Variants in PGM2 observed in about 807,000 individuals in gnomAD.
PGM2 encodes the protein phosphoglucomutase 2, also known as phosphopentomutase.
PGM2 carries 57 observed loss-of-function variants against 74.6 expected under a neutral mutation model. That is an observed-to-expected ratio of 0.76 (90% CI 0.62 to 0.95). PGM2 has a LOEUF of 0.95. Ranked by LOEUF, PGM2 falls within the 40% of genes least tolerant of loss-of-function variation. The probability of loss-of-function intolerance (pLI) is 0.00; values close to 1 mark genes in which losing one functional copy is unlikely to be tolerated. For missense variants in PGM2, 706 were observed against 741.9 expected (o/e 0.95, Z 0.56); for synonymous variants, 273 against 260.7 (o/e 1.05, Z -0.46).
At chr4:37,844,917 G>A (rs1725825318) in intron 7 of PGM2, among the ~76,000 whole-genome samples, 1 of 148,488 alleles carries the variant, frequency 6.7e-6, no homozygotes, top group African/African-American at 2.5e-5. Flanking sequence ...GCAGTGAGCT[G>A]AGATTGCACC....
intron 13 of PGM2, 37 bp from the exon 14 acceptor site, chr4:37,861,473 T>C (rs1477821919): frequency 2.2e-6 from 3 of 1,372,700 alleles, no homozygotes; most frequent in Non-Finnish European, 1.0e-6. Flanking sequence ...TTTGGAATAA[T>C]CCCTTGACCT....
chr4:37,837,974 G>A (rs190996951), intron 4 of PGM2, among the ~76,000 whole-genome samples: 2 of 151,884 alleles, frequency 1.3e-5, no homozygotes, highest in African/African-American at 2.4e-5. Flanking sequence ...TCCGTGTCCC[G>A]GGTTCAAGCA....
intron 4 of PGM2, chr4:37,839,457 AAGG>A (rs942367182): frequency 7.2e-6 from 3 of 418,854 alleles, no homozygotes; most frequent in East Asian, 7.0e-5. Flanking sequence ...GCAAATGAGA[AAGG>A]AGGAGAGGGA....
intron 1 of PGM2, among the ~76,000 whole-genome samples, chr4:37,827,313 G>A (rs1047953195): frequency 6.6e-6 from 1 of 152,194 alleles, no homozygotes; most frequent in African/African-American, 2.4e-5. Flanking sequence ...TTGTCCTCCC[G>A]GGTGGGCCCG....
At chr4:37,832,388 T>G (rs1365539317) in intron 2 of PGM2, among the ~76,000 whole-genome samples, 3 of 152,240 alleles carry the variant, frequency 2.0e-5, no homozygotes, top group Non-Finnish European at 4.4e-5. Flanking sequence ...AATATATTTG[T>G]CACTTTTCAC....
chr4:37,852,706 T>C (rs4832961), intron 12 of PGM2, among the ~76,000 whole-genome samples: 80,925 of 152,034 alleles, frequency 0.53, 22,198 homozygotes, highest in Non-Finnish European at 0.61. Context: ...CTGTATGCTG[T>C]ATGTAAGGTT....
At chr4:37,850,838 A>G (rs976321013) in intron 12 of PGM2, among the ~76,000 whole-genome samples, 3 of 151,738 alleles carry the variant, frequency 2.0e-5, no homozygotes, top group African/African-American at 7.3e-5. Flanking sequence ...TAAAAATACA[A>G]AAATTAGCCA....
chr4:37,839,498 C>T (rs1324847637), intron 4 of PGM2: 1 of 468,472 alleles, frequency 2.1e-6, no homozygotes, highest in African/African-American at 2.0e-5. Flanking sequence ...TAAACTGAAT[C>T]CACAAACTTC....
intron 6 of PGM2, among the ~76,000 whole-genome samples, chr4:37,841,327 A>G (rs1346814748): frequency 2.0e-5 from 3 of 151,928 alleles, no homozygotes; most frequent in African/African-American, 7.3e-5. Context: ...AGTCCTTACC[A>G]TCAGGTAGGA....
chr4:37,834,246 G>C (rs1725506126), intron 2 of PGM2, among the ~76,000 whole-genome samples: 1 of 151,834 alleles, frequency 6.6e-6, no homozygotes, highest in East Asian at 1.9e-4. Flanking sequence ...AGGTAGGGGG[G>C]GATTGCTTAA....
intron 10 of PGM2, among the ~76,000 whole-genome samples, chr4:37,847,761 C>A (rs1387129652): frequency 1.3e-5 from 2 of 152,242 alleles, no homozygotes; most frequent in East Asian, 3.9e-4. Context: ...CCAGGTCCAG[C>A]CAGAATGACA....
intron 12 of PGM2, among the ~76,000 whole-genome samples, chr4:37,853,994 A>G (rs1427922277): frequency 6.6e-6 from 1 of 152,168 alleles, no homozygotes; most frequent in Non-Finnish European, 1.5e-5. Context: ...TGCCTTTTGC[A>G]GTACCTGGTG....
intron 6 of PGM2, among the ~76,000 whole-genome samples, chr4:37,842,297 A>G (rs763632305): frequency 6.6e-6 from 1 of 151,286 alleles, no homozygotes; most frequent in Non-Finnish European, 1.5e-5. Flanking sequence ...TATAATATTT[A>G]TTAGTCTTAT....
intron 12 of PGM2, among the ~76,000 whole-genome samples, chr4:37,851,544 G>GTT (rs1726039866): frequency 6.6e-6 from 1 of 152,144 alleles, no homozygotes; most frequent in East Asian, 1.9e-4. Flanking sequence ...CACGTTCTTT[G>GTT]ATATTTTCTT....
At chr4:37,844,698 C>T (rs954514139) in intron 7 of PGM2, 145 bp downstream of exon 7, 4 of 602,896 alleles carry the variant, frequency 6.6e-6, no homozygotes, top group Non-Finnish European at 8.7e-6. Context: ...CTGGGTGCAG[C>T]GTCTCATGTC....
Position 37,829,962 on chromosome 4 carries a change from A to G in PGM2, c.82-2A>G, listed in dbSNP as rs1255334230. The G allele has an allele frequency of 1.9e-6, 3 of 1,575,926 alleles. No homozygotes were observed. Among genetic ancestry groups the G allele is most frequent in the East Asian group, 2.3e-5 (1 of 44,124 alleles). ...CTGTGTCTATACATTTTTGTTTTTC[A>G]GAATTCCTTAACTTTGGAGGCAGTG... On this transcript the variant is annotated splice_acceptor_variant, in intron 1 of 13. Coordinates refer to ENST00000381967, the MANE Select transcript of PGM2 (RefSeq NM_018290.4). LOFTEE classifies it high-confidence loss of function.
At chr4:37,840,023 C>T (rs765241844) in intron 5 of PGM2, 43 bp from the exon 6 acceptor site, 1 of 1,560,556 alleles carries the variant, frequency 6.4e-7, no homozygotes, top group Non-Finnish European at 8.8e-7. Context: ...TGCCTTATTT[C>T]CATTAACTGT....
At chr4:37,844,680 A>G in intron 7 of PGM2, 127 bp downstream of exon 7, 2 of 654,008 alleles carry the variant, frequency 3.1e-6, no homozygotes, top group Non-Finnish European at 5.2e-6. Flanking sequence ...GGAAATATGT[A>G]TGTTTGGCTG....
At chr4:37,846,893 G>T in intron 8 of PGM2, 38 bp from the exon 9 acceptor site, 1 of 1,526,144 alleles carries the variant, frequency 6.6e-7, no homozygotes, top group Non-Finnish European at 8.9e-7. Context: ...TTAAGATTAT[G>T]GAAATGAATG....
Sources: gnomAD v4.1 joint callset for allele counts (sites outside exome capture counted in the v4.1 genomes callset) on GRCh38, gnomAD v4.1.1 for gene constraint, MANE v1.5 for transcripts, NCBI Gene and HGNC (gene_info 2026-07-23, HGNC 2026-07-21) for gene names.